NCKAP5: variants seen among roughly 807,000 people sequenced by gnomAD.
NCKAP5 encodes the protein nck-associated protein 5.
A neutral mutation model predicts 167.0 loss-of-function variants in NCKAP5; 92 were observed. The observed-to-expected ratio is 0.55, with a 90% confidence interval of 0.47 to 0.66. NCKAP5 has a LOEUF of 0.66. Among genes scored for constraint, NCKAP5 ranks in the 30% least tolerant of loss-of-function variants. The pLI is 0.00. For missense variants in NCKAP5, 2,378 were observed against 2,315.0 expected, an observed-to-expected ratio of 1.03 and a Z score of -0.56; for synonymous variants, 891 against 877.4, an observed-to-expected ratio of 1.02 and a Z score of -0.27.
intron 2 of NCKAP5, among the ~76,000 whole-genome samples, chr2:133,538,980 G>A (rs866903864): frequency 1.4e-3 from 169 of 120,238 alleles, no homozygotes; most frequent in African/African-American, 4.9e-3. Context: ...TCACTCTGTC[G>A]CCCAGGCTGG....
chr2:132,970,865 T>G (rs2076812148), intron 7 of NCKAP5, among the ~76,000 whole-genome samples: 1 of 152,228 alleles, frequency 6.6e-6, no homozygotes, highest in African/African-American at 2.4e-5. Context: ...TGGCTCTTCA[T>G]GGATGGCCAG....
chr2:133,256,452 T>C (rs1258348595), intron 4 of NCKAP5, among the ~76,000 whole-genome samples: 1 of 152,164 alleles, frequency 6.6e-6, no homozygotes. Flanking sequence ...TGTTTTATTA[T>C]AAATGTTAAT....
rs34750625 is a variant in NCKAP5, at chr2:133,326,458, CAAAAAA to C, written c.70-23354_70-23349del. Among the ~76,000 whole-genome samples, 195 of 49,010 alleles carry C rather than the reference CAAAAAA, an allele frequency of 4.0e-3. 1 individual carries two copies. The highest frequency in any genetic ancestry group is 0.012 in the African/African-American group (181 of 15,054). The allele number at this position is 49,010 out of a possible 152,430, so 32.2% of individuals were successfully genotyped here. A position where few individuals can be genotyped will look rare whatever the true frequency, so the allele number is the denominator to read the frequency against. On this transcript the variant is annotated intron_variant, in intron 3 of 19. Coordinates refer to ENST00000409261, the MANE Select transcript of NCKAP5 (RefSeq NM_207363.3). ...GTGACAGAGCAAGACTCAGTCTCAA[CAAAAAA>C]AAAAAAAAAAAAAAAAGAGAAAAAG...
chr2:132,778,187 T>C (rs1396342644), intron 15 of NCKAP5, among the ~76,000 whole-genome samples: 1 of 152,086 alleles, frequency 6.6e-6, no homozygotes, highest in African/African-American at 2.4e-5. Context: ...AATGATTTTA[T>C]ATAATTTAAA....
At chr2:132,901,489 T>C (rs1693626068) in intron 8 of NCKAP5, among the ~76,000 whole-genome samples, 1 of 152,196 alleles carries the variant, frequency 6.6e-6, no homozygotes, top group Admixed American at 6.5e-5. Flanking sequence ...TTGAACTTTA[T>C]AGAAGCTGGT....
chr2:133,486,705 T>C (rs1398253931), intron 3 of NCKAP5, among the ~76,000 whole-genome samples: 1 of 152,182 alleles, frequency 6.6e-6, no homozygotes, highest in East Asian at 1.9e-4. Context: ...ACAAATATTT[T>C]TTTTCTCTCA....
intron 6 of NCKAP5, among the ~76,000 whole-genome samples, chr2:133,034,364 A>G (rs905075206): frequency 1.3e-5 from 2 of 152,186 alleles, no homozygotes; most frequent in African/African-American, 2.4e-5. Flanking sequence ...AAGAAATGCT[A>G]AAGAGAGTAC....
At chr2:133,066,809 C>T (rs1258834977) in intron 6 of NCKAP5, among the ~76,000 whole-genome samples, 2 of 152,158 alleles carry the variant, frequency 1.3e-5, no homozygotes, top group Non-Finnish European at 2.9e-5. Flanking sequence ...AAAATCAAAG[C>T]TAACTTCTAC....
At chr2:133,021,837 C>T (rs1426909237) in intron 6 of NCKAP5, among the ~76,000 whole-genome samples, 1 of 152,082 alleles carries the variant, frequency 6.6e-6, no homozygotes, top group Non-Finnish European at 1.5e-5. Flanking sequence ...TGCCACTTTG[C>T]CCAGGCTGTT....
chr2:132,999,759 A>T (rs1416901978), intron 6 of NCKAP5, among the ~76,000 whole-genome samples: 1 of 152,110 alleles, frequency 6.6e-6, no homozygotes, highest in African/African-American at 2.4e-5. Context: ...CCAACCCAAA[A>T]TCTAGCCCTC....
At chr2:133,545,657 G>A (rs537431558) in intron 2 of NCKAP5, among the ~76,000 whole-genome samples, 1 of 152,104 alleles carries the variant, frequency 6.6e-6, no homozygotes, top group South Asian at 2.1e-4. Flanking sequence ...GCTTTCATTG[G>A]CACTCACTAA....
chr2:133,445,844 A>C (rs1305338110), intron 3 of NCKAP5, among the ~76,000 whole-genome samples: 1 of 152,222 alleles, frequency 6.6e-6, no homozygotes, highest in Non-Finnish European at 1.5e-5. Context: ...ACACCCCTGA[A>C]GAAAGCAACA....
At chr2:133,083,797 T>C (rs1428293645) in intron 6 of NCKAP5, among the ~76,000 whole-genome samples, 2 of 152,192 alleles carry the variant, frequency 1.3e-5, no homozygotes, top group East Asian at 1.9e-4. Flanking sequence ...CAATCTAAGG[T>C]GATCCCACTA....
intron 3 of NCKAP5, among the ~76,000 whole-genome samples, chr2:133,408,817 G>A (rs535852740): frequency 5.3e-5 from 8 of 152,186 alleles, no homozygotes; most frequent in African/African-American, 1.7e-4. Flanking sequence ...TGAGAACCTC[G>A]TGCCCCTGAA....
intron 19 of NCKAP5, among the ~76,000 whole-genome samples, chr2:132,705,108 A>G (rs1415061817): frequency 4.6e-5 from 7 of 152,160 alleles, no homozygotes; most frequent in African/African-American, 1.2e-4. Context: ...GCATCTGCCC[A>G]TAAGTTGTCC....
rs564139377 is a variant in NCKAP5 at position 132,895,061 on chromosome 2, G to A, written c.580-16145C>T. Among the ~76,000 whole-genome samples the A allele has an allele frequency of 1.2e-4, 19 of 152,294 alleles. No individual in the cohort carries two copies. In the South Asian group the frequency reaches 3.5e-3, roughly 28 times the overall value. Reference sequence around the variant, plus strand: ...AAAATCGAAATAAGGGCCGGGCGCAGTGGCTCACATCTGTAATCCCAGCAC... The same window carrying A: ...AAAATCGAAATAAGGGCCGGGCGCAATGGCTCACATCTGTAATCCCAGCAC... On this transcript the variant is annotated intron_variant, in intron 8 of 19. Transcript: ENST00000409261.
At chr2:133,520,486 GT>G (rs1466762108) in intron 2 of NCKAP5, among the ~76,000 whole-genome samples, 3 of 152,128 alleles carry the variant, frequency 2.0e-5, no homozygotes, top group African/African-American at 7.2e-5. Context: ...TCATAGTAGG[GT>G]TTTCTGATGA....
At chr2:132,977,340 A>G (rs944208483) in intron 7 of NCKAP5, among the ~76,000 whole-genome samples, 4 of 152,250 alleles carry the variant, frequency 2.6e-5, no homozygotes, top group Non-Finnish European at 4.4e-5. Flanking sequence ...ACATAAAGCA[A>G]AAAACCAATA....
chr2:133,649,162 C>T, the NCKAP5 span, among the ~76,000 whole-genome samples: 28 of 150,456 alleles, frequency 1.9e-4, no homozygotes, highest in African/African-American at 6.6e-4. Flanking sequence ...TTCCTAGAAA[C>T]ATATAACCTA....
Sources: allele counts gnomAD v4.1 joint callset (sites outside exome capture counted in the v4.1 genomes callset), GRCh38; gene constraint gnomAD v4.1.1; transcripts MANE v1.5; gene names NCBI Gene and HGNC (gene_info 2026-07-23, HGNC 2026-07-21).